Variants in BTBD8 observed in about 807,000 individuals in gnomAD.
BTBD8 encodes the protein BTB/POZ domain-containing protein 8.
Under a neutral mutation model 162.9 loss-of-function variants are expected in BTBD8, and 110 were observed. That is an observed-to-expected ratio of 0.68 (90% CI 0.58 to 0.79). The LOEUF is 0.79. Among genes scored for constraint, BTBD8 ranks in the 30% least tolerant of loss-of-function variants. The pLI, the probability that BTBD8 is intolerant of heterozygous loss-of-function variation, is 0.00. For synonymous variants in BTBD8, 667 were observed against 716.1 expected, an observed-to-expected ratio of 0.93 and a Z score of 1.10; for missense variants, 1,905 against 2,085.4, an observed-to-expected ratio of 0.91 and a Z score of 1.68.
chr1:92,159,397 G>A (rs111934226), intron 9 of BTBD8, among the ~76,000 whole-genome samples: 13 of 151,632 alleles, frequency 8.6e-5, no homozygotes, highest in African/African-American at 2.7e-4. Context: ...GGCTGGTCTC[G>A]AACTCCTGAG....
At chr1:92,165,950 A>G (rs552547874) in intron 9 of BTBD8, among the ~76,000 whole-genome samples, 1 of 152,360 alleles carries the variant, frequency 6.6e-6, no homozygotes, top group South Asian at 2.1e-4. Context: ...CAGTCTATCA[A>G]GTAACTAATT....
chr1:92,164,284 C>G (rs929165294), intron 9 of BTBD8, among the ~76,000 whole-genome samples: 7 of 151,810 alleles, frequency 4.6e-5, no homozygotes, highest in African/African-American at 1.7e-4. Context: ...GCCAAGAGTT[C>G]AAGACCAGCC....
chr1:92,101,999 C>G (rs1557440289), intron 2 of BTBD8, among the ~76,000 whole-genome samples: 1 of 152,000 alleles, frequency 6.6e-6, no homozygotes. Context: ...CACCCGGCTT[C>G]TGCTGTTTTA....
chr1:92,165,721 G>A (rs1215882726), intron 9 of BTBD8, among the ~76,000 whole-genome samples: 3 of 152,104 alleles, frequency 2.0e-5, no homozygotes, highest in Non-Finnish European at 4.4e-5. Context: ...GCTGAGCTGG[G>A]GGGCTGGTCT....
In BTBD8 at chr1:92,180,804, G is replaced by A. The variant is rs574501287; in HGVS notation, c.3121G>A (p.Glu1041Lys). 123 of 1,551,396 alleles carry A rather than the reference G, an allele frequency of 7.9e-5. 2 individuals are homozygous for A. The Admixed American group carries it at 2.1e-3, about 27-fold the overall frequency. The change falls in exon 17 of 18, where the codon GAA (glutamate) becomes AAA (lysine). Residue 1041 changes from glutamate to lysine, a missense_variant. Transcript: ENST00000636805. ...AAAGCTGGATAAATCATTAAAACAC[G>A]AACTGGAATCAAAACAGATTTGTTT... ...ISKLDKSLKH[E>K]LESKQICLDK... is the part of the protein sequence containing the mutation.
At chr1:92,158,824 G>A (rs1299301256) in intron 9 of BTBD8, among the ~76,000 whole-genome samples, 1 of 152,088 alleles carries the variant, frequency 6.6e-6, no homozygotes, top group Non-Finnish European at 1.5e-5. Context: ...CACCCAAGCT[G>A]GAGTGCAGTG....
At chr1:92,161,015 A>G (rs562442102) in intron 9 of BTBD8, among the ~76,000 whole-genome samples, 1 of 152,214 alleles carries the variant, frequency 6.6e-6, no homozygotes, top group African/African-American at 2.4e-5. Flanking sequence ...AGAAGCTGGG[A>G]TCTTATGGTT....
At chr1:92,119,898 T>C (rs868435545) in intron 4 of BTBD8, among the ~76,000 whole-genome samples, 29 of 118,732 alleles carry the variant, frequency 2.4e-4, no homozygotes, top group South Asian at 2.9e-4. Context: ...CTTTTCTTTT[T>C]TTTTTTTTTT....
intron 2 of BTBD8, among the ~76,000 whole-genome samples, chr1:92,095,782 A>G (rs538366077): frequency 2.6e-5 from 4 of 151,936 alleles, no homozygotes; most frequent in African/African-American, 9.7e-5. Context: ...CTTGTTGTCC[A>G]CTCTACCTCA....
intron 1 of BTBD8, among the ~76,000 whole-genome samples, chr1:92,083,676 T>C: frequency 6.6e-6 from 1 of 152,092 alleles, no homozygotes; most frequent in East Asian, 1.9e-4. Flanking sequence ...TGGAGAACCA[T>C]CGGTGTTTTT....
chr1:92,149,787 G>A (rs184761989), intron 9 of BTBD8, among the ~76,000 whole-genome samples: 1 of 152,124 alleles, frequency 6.6e-6, no homozygotes, highest in African/African-American at 2.4e-5. Flanking sequence ...CTCTTACTCC[G>A]GGCCAGGTAT....
At chr1:92,150,646 G>A (rs1000722803) in intron 9 of BTBD8, 1 of 152,194 alleles carries the variant, frequency 6.6e-6, no homozygotes, top group Non-Finnish European at 1.5e-5. Context: ...AAGGACCCAA[G>A]GTTGGAACCA....
chr1:92,142,712 CT>C (rs1649807045), intron 7 of BTBD8, among the ~76,000 whole-genome samples: 1 of 152,214 alleles, frequency 6.6e-6, no homozygotes, highest in African/African-American at 2.4e-5. Context: ...CCATGTCCCA[CT>C]TGGGGAGGTA....
intron 7 of BTBD8, among the ~76,000 whole-genome samples, chr1:92,143,297 G>A (rs1649820412): frequency 6.6e-6 from 1 of 151,942 alleles, no homozygotes; most frequent in African/African-American, 2.4e-5. Flanking sequence ...GTAGTCTTGG[G>A]ACCATTGCCT....
At chr1:92,110,492 C>T (rs1396924381) in intron 4 of BTBD8, among the ~76,000 whole-genome samples, 1 of 152,196 alleles carries the variant, frequency 6.6e-6, no homozygotes, top group East Asian at 1.9e-4. Flanking sequence ...TATGTTACTA[C>T]TTTTCTGAAT....
chr1:92,128,318 G>A lies in BTBD8; in HGVS notation c.663-1369G>A, dbSNP rs570522262. Among the ~76,000 whole-genome samples, 3 of 151,018 alleles carry A rather than the reference G, an allele frequency of 2.0e-5. No individual in the cohort carries two copies. In the East Asian group the frequency reaches 5.9e-4, roughly 30 times the overall value. ...TTTTGAGACACAGTCTTGCTCTGTC[G>A]CCCAGGCTGGAGTGCAGTGGTGCAA... is the stretch of plus-strand genomic sequence containing the variant. On this transcript the variant is annotated intron_variant, in intron 4 of 17. Coordinates refer to ENST00000636805, the MANE Select transcript of BTBD8 (RefSeq NM_001376131.1).
intron 2 of BTBD8, 146 bp from the exon 3 acceptor site, chr1:92,102,327 C>A: frequency 1.4e-6 from 1 of 726,024 alleles, no homozygotes. Context: ...CTGGCTTCTG[C>A]TATTTTAGAT....
chr1:92,164,907 C>T (rs1390612044), intron 9 of BTBD8, among the ~76,000 whole-genome samples: 1 of 151,812 alleles, frequency 6.6e-6, no homozygotes, highest in Non-Finnish European at 1.5e-5. Context: ...CCACCTCAGC[C>T]TCCCAAAGTG....
chr1:92,161,287 G>C (rs1256627179), intron 9 of BTBD8, among the ~76,000 whole-genome samples: 1 of 152,174 alleles, frequency 6.6e-6, no homozygotes, highest in African/African-American at 2.4e-5. Flanking sequence ...GCCTTCTTTA[G>C]TTCTAATTCA....
Sources: gnomAD v4.1 joint callset for allele counts (sites outside exome capture counted in the v4.1 genomes callset) on GRCh38, gnomAD v4.1.1 for gene constraint, MANE v1.5 for transcripts, NCBI Gene and HGNC (gene_info 2026-07-23, HGNC 2026-07-21) for gene names.